Variants in DPYSL2 observed in about 807,000 individuals in gnomAD.
The protein encoded by DPYSL2 is dihydropyrimidinase-related protein 2.
DPYSL2 carries 13 observed loss-of-function variants against 69.9 expected under a neutral mutation model. The ratio of observed to expected loss-of-function variants is 0.19; its 90% CI spans 0.12 to 0.30. The LOEUF (loss-of-function observed/expected upper bound fraction) is 0.30. DPYSL2 is among the 10% of genes least tolerant of loss of function. The probability of loss-of-function intolerance (pLI) is 1.00; values close to 1 mark genes in which losing one functional copy is unlikely to be tolerated. For synonymous variants in DPYSL2, 326 were observed against 359.1 expected (o/e 0.91, Z 1.04); for missense variants, 587 against 918.9 (o/e 0.64, Z 4.67).
intron 1 of DPYSL2, among the ~76,000 whole-genome samples, chr8:26,528,445 G>A (rs1240511113): frequency 6.6e-6 from 1 of 151,918 alleles, no homozygotes; most frequent in African/African-American, 2.4e-5. Flanking sequence ...TCAAGAGATC[G>A]AGACCATCCT....
In DPYSL2 at chr8:26,643,649, C is replaced by G. The variant is rs1479732512; in HGVS notation, c.1283+54C>G. 1.9e-6 allele frequency: 3 copies of G among 1,612,824 alleles called. No individual in the cohort carries two copies. Among genetic ancestry groups the G allele is most frequent in the Middle Eastern group, 1.7e-4 (1 of 6,058 alleles). On this transcript the variant is annotated intron_variant, in intron 9 of 13. Coordinates refer to ENST00000521913, the MANE Select transcript of DPYSL2 (RefSeq NM_001197293.3). This position sits in a 1 kb window ranked among gnomAD's most constrained non-coding sequence, Gnocchi z 6.5. The stretch of plus-strand genomic sequence containing the variant: ...ACATTCTGTCTTTCTTCAGACCAGA[C>G]TGACCTGTTAGGCGAAAACAACATG...
At chr8:26,559,282 C>T (rs1429330837) in intron 1 of DPYSL2, among the ~76,000 whole-genome samples, 1 of 152,160 alleles carries the variant, frequency 6.6e-6, no homozygotes, top group Middle Eastern at 3.2e-3. Context: ...CATTCATAAA[C>T]ATGAATATTT....
At chr8:26,548,355 C>T (rs1281482576) in intron 1 of DPYSL2, 3 of 245,866 alleles carry the variant, frequency 1.2e-5, no homozygotes, top group Non-Finnish European at 8.0e-6. Flanking sequence ...CAGAAGCAAC[C>T]TGGAGAAAAT....
At chr8:26,635,038 T>G in intron 8 of DPYSL2, 138 bp downstream of exon 8, 1 of 1,301,372 alleles carries the variant, frequency 7.7e-7, no homozygotes, top group Non-Finnish European at 1.0e-6. Context: ...TTAACCTAAT[T>G]ACAGCCGGGC....
chr8:26,606,471 C>CAA (rs35226523), intron 3 of DPYSL2, among the ~76,000 whole-genome samples: 30,477 of 151,784 alleles, frequency 0.2, 3,237 homozygotes, highest in African/African-American at 0.27. Flanking sequence ...AAAAGGATAA[C>CAA]GAAGTAGGAC....
chr8:26,546,830 C>T (rs1463190100), intron 1 of DPYSL2, among the ~76,000 whole-genome samples: 5 of 134,806 alleles, frequency 3.7e-5, no homozygotes, highest in Admixed American at 3.4e-4. Context: ...CTGAGGCAGG[C>T]GAATGGCGTG....
chr8:26,646,207 T>G (rs865951583), intron 10 of DPYSL2, among the ~76,000 whole-genome samples: 83 of 38,948 alleles, frequency 2.1e-3, no homozygotes, highest in South Asian at 0.019. Context: ...GTTTCTGGTT[T>G]TTTTTTTTTT....
chr8:26,523,340 T>G (rs1229364883), intron 1 of DPYSL2, among the ~76,000 whole-genome samples: 1 of 152,112 alleles, frequency 6.6e-6, no homozygotes, highest in Admixed American at 6.5e-5. Context: ...AACATAAAAT[T>G]TACTGTCTTA....
Position 26,597,011 on chromosome 8 carries a change from C to T in DPYSL2, c.628+13028C>T, listed in dbSNP as rs1801876855. 6.6e-6 allele frequency among the ~76,000 whole-genome samples: 1 copy of T among 152,184 alleles called. No homozygotes were observed. The highest frequency in any genetic ancestry group is 1.5e-5 in the Non-Finnish European group (1 of 68,036). Reference sequence around the variant, plus strand: ...AAGTTTTATCCTGCCCTTCCATCCACCTGTTATTTAAAAGTACTTTTTCTG... The same window carrying T: ...AAGTTTTATCCTGCCCTTCCATCCATCTGTTATTTAAAAGTACTTTTTCTG... On this transcript the variant is annotated intron_variant, in intron 3 of 13. Transcript: ENST00000521913. The surrounding 1 kb of genome is among the most constrained non-coding windows in gnomAD (Gnocchi z 5.2).
chr8:26,584,759 A>G (rs1444073462), intron 3 of DPYSL2, among the ~76,000 whole-genome samples: 3 of 151,732 alleles, frequency 2.0e-5, no homozygotes, highest in African/African-American at 7.3e-5. Flanking sequence ...AGCCGGGACT[A>G]CAGGCATGCA....
intron 1 of DPYSL2, among the ~76,000 whole-genome samples, chr8:26,543,068 G>A (rs969611533): frequency 3.9e-5 from 6 of 152,096 alleles, no homozygotes; most frequent in Non-Finnish European, 8.8e-5. Context: ...AAATGGCAAC[G>A]CTCCTCTAGA....
At chr8:26,548,839 C>T (rs1246422990) in intron 1 of DPYSL2, among the ~76,000 whole-genome samples, 1 of 151,988 alleles carries the variant, frequency 6.6e-6, no homozygotes, top group Non-Finnish European at 1.5e-5. Flanking sequence ...GATTGCGCCA[C>T]TGCATTCCAG....
At chr8:26,594,602 T>G (rs1409649663) in intron 3 of DPYSL2, among the ~76,000 whole-genome samples, 2 of 152,346 alleles carry the variant, frequency 1.3e-5, no homozygotes, top group East Asian at 3.9e-4. Flanking sequence ...CTATATCTAT[T>G]GATTATCACT....
intron 1 of DPYSL2, among the ~76,000 whole-genome samples, chr8:26,522,996 G>A (rs1282725847): frequency 1.3e-5 from 2 of 151,998 alleles, no homozygotes; most frequent in Non-Finnish European, 2.9e-5. Flanking sequence ...TCCTTGGGGA[G>A]CTTTGAAATT....
intron 1 of DPYSL2, chr8:26,547,701 G>C (rs1239723505): frequency 5.3e-6 from 1 of 187,908 alleles, no homozygotes; most frequent in East Asian, 1.4e-4. Context: ...GTAGCACCTG[G>C]AGCAGCATGG....
chr8:26,622,073 T>C (rs992312110), intron 3 of DPYSL2, among the ~76,000 whole-genome samples: 10 of 139,134 alleles, frequency 7.2e-5, no homozygotes, highest in South Asian at 2.4e-4. Flanking sequence ...CTTTTCTTTT[T>C]TTTCTTTCTT....
intron 3 of DPYSL2, among the ~76,000 whole-genome samples, chr8:26,603,997 C>G (rs550357926): frequency 6.6e-6 from 1 of 152,030 alleles, no homozygotes. Context: ...GGGTGTGTGC[C>G]CGTAAATGGA....
chr8:26,612,070 G>T (rs1317411228), intron 3 of DPYSL2, among the ~76,000 whole-genome samples: 1 of 152,240 alleles, frequency 6.6e-6, no homozygotes, highest in African/African-American at 2.4e-5. Context: ...ATGGCTAGTT[G>T]ATCTGATCTC....
chr8:26,581,415 C>T (rs1044916466), intron 1 of DPYSL2, among the ~76,000 whole-genome samples: 1 of 151,424 alleles, frequency 6.6e-6, no homozygotes, highest in Non-Finnish European at 1.5e-5. Flanking sequence ...GCTGTGTAAC[C>T]CAGGCTGGGG....
Sources: allele counts gnomAD v4.1 joint callset (sites outside exome capture counted in the v4.1 genomes callset), GRCh38; gene constraint gnomAD v4.1.1; non-coding constraint Gnocchi (gnomAD v3.1); transcripts MANE v1.5; gene names NCBI Gene and HGNC (gene_info 2026-07-23, HGNC 2026-07-21).